FGGY: variants seen among roughly 807,000 people sequenced by gnomAD.
The protein encoded by FGGY is FGGY carbohydrate kinase domain-containing protein.
In FGGY, 72 loss-of-function variants were observed where a neutral mutation model predicts 71.3. The observed-to-expected ratio is 1.01, with a 90% CI of 0.84 to 1.23. The LOEUF (loss-of-function observed/expected upper bound fraction) is 1.23. Ranked by LOEUF, FGGY falls within the 50% of genes most tolerant of loss-of-function variation. FGGY has a pLI of 0.00. For missense variants in FGGY, 668 were observed against 682.3 expected, an observed-to-expected ratio of 0.98 and a Z score of 0.23; for synonymous variants, 251 against 250.3, an observed-to-expected ratio of 1.00 and a Z score of -0.02.
chr1:59,489,734 G>T (rs187884640), intron 6 of FGGY, among the ~76,000 whole-genome samples: 50 of 152,292 alleles, frequency 3.3e-4, no homozygotes, highest in African/African-American at 1.1e-3. Flanking sequence ...AAATGCCCCA[G>T]TGGTGGGATC....
In FGGY at chr1:59,340,925, C is replaced by T. The variant is rs973947843; in HGVS notation, c.313+856C>T. 3.9e-5 allele frequency among the ~76,000 whole-genome samples: 6 copies of T among 152,124 alleles called. No individual in the cohort carries two copies. The South Asian group carries it at 1.0e-3, about 26-fold the overall frequency. On this transcript the variant is annotated intron_variant, in intron 3 of 15. Transcript: ENST00000303721. Reference sequence around the variant, plus strand: ...GCATTGCACTGGAAATTGCATGCTCCATCTGAAGGGAAGGGCCAGCTCTAG... The same window carrying T: ...GCATTGCACTGGAAATTGCATGCTCTATCTGAAGGGAAGGGCCAGCTCTAG...
intron 4 of FGGY, among the ~76,000 whole-genome samples, chr1:59,377,338 G>C (rs1222906028): frequency 6.6e-6 from 1 of 152,140 alleles, no homozygotes; most frequent in African/African-American, 2.4e-5. Flanking sequence ...AGCATGGCTG[G>C]GGAGGCCTCA....
At chr1:59,411,508 C>T (rs2063595094) in intron 5 of FGGY, among the ~76,000 whole-genome samples, 1 of 152,104 alleles carries the variant, frequency 6.6e-6, no homozygotes, top group Non-Finnish European at 1.5e-5. Context: ...CTTCTTATAC[C>T]TTTGTCCACT....
At chr1:59,351,338 TG>T (rs2053251317) in intron 4 of FGGY, among the ~76,000 whole-genome samples, 1 of 152,246 alleles carries the variant, frequency 6.6e-6, no homozygotes. Context: ...TACTCACTGC[TG>T]GTTCTTCCTC....
intron 13 of FGGY, among the ~76,000 whole-genome samples, chr1:59,670,371 TAGGG>T: frequency 6.6e-6 from 1 of 152,312 alleles, no homozygotes; most frequent in East Asian, 1.9e-4. Context: ...CAAAGACAGT[TAGGG>T]AGGACTGTAG....
chr1:59,698,478 G>A (rs1328565564), intron 14 of FGGY, among the ~76,000 whole-genome samples: 1 of 151,146 alleles, frequency 6.6e-6, no homozygotes, highest in Admixed American at 6.6e-5. Context: ...TTTCTATAAT[G>A]CTCTGGGAAT....
rs1323044296 is a variant in FGGY, at chr1:59,347,458, A to G, written c.465+1060A>G. On this transcript the variant is annotated intron_variant, in intron 4 of 15. Coordinates refer to ENST00000303721, the MANE Select transcript of FGGY (RefSeq NM_018291.5). ...ATTTTTTATGGCTGCATATTATTCC[A>G]TGGTGTATATGTGCCACATTTTCTT... 2.2e-4 allele frequency among the ~76,000 whole-genome samples: 33 copies of G among 152,180 alleles called. No individual in the cohort carries two copies. In the East Asian group the frequency reaches 6.4e-3, roughly 29 times the overall value.
intron 5 of FGGY, among the ~76,000 whole-genome samples, chr1:59,414,913 G>T (rs575332739): frequency 1.3e-5 from 2 of 152,234 alleles, no homozygotes; most frequent in East Asian, 1.9e-4. Context: ...TTACAAGGCA[G>T]GGTGGAGAAA....
chr1:59,375,791 G>C (rs111699329), intron 4 of FGGY, among the ~76,000 whole-genome samples: 1 of 150,586 alleles, frequency 6.6e-6, no homozygotes, highest in Admixed American at 6.7e-5. Flanking sequence ...CTTGGGTTCT[G>C]TTGTCCCACA....
chr1:59,557,709 G>A (rs1042121624), intron 8 of FGGY, among the ~76,000 whole-genome samples: 1 of 152,132 alleles, frequency 6.6e-6, no homozygotes, highest in East Asian at 1.9e-4. Flanking sequence ...TACACAGCAG[G>A]GGTTAGCCAG....
intron 1 of FGGY, among the ~76,000 whole-genome samples, chr1:59,304,383 A>G (rs183829306): frequency 7.9e-5 from 12 of 152,186 alleles, no homozygotes; most frequent in Admixed American, 7.8e-4. Flanking sequence ...TTGATTGTAT[A>G]TGAGTAGTTT....
In FGGY at chr1:59,624,214, A is replaced by G. The variant is rs560220826; in HGVS notation, c.1012-1774A>G. Among the ~76,000 whole-genome samples the G allele has an allele frequency of 6.6e-5, 10 of 152,286 alleles. 1 individual carries two copies. In the South Asian group the frequency reaches 2.1e-3, roughly 32 times the overall value. ...CTGCACCAATGGTATTCAACAACGT[A>G]TACCTGGAAGTTCAGTAGACAATAT... On this transcript the variant is annotated intron_variant, in intron 9 of 15. Transcript: ENST00000303721.
At chr1:59,359,241 C>G (rs1183087058) in intron 4 of FGGY, among the ~76,000 whole-genome samples, 2 of 152,134 alleles carry the variant, frequency 1.3e-5, no homozygotes, top group African/African-American at 4.8e-5. Context: ...GAGAAAGCAA[C>G]TTCTGATGGT....
intron 15 of FGGY, among the ~76,000 whole-genome samples, chr1:59,759,614 G>A (rs2098325592): frequency 6.6e-6 from 1 of 152,214 alleles, no homozygotes; most frequent in African/African-American, 2.4e-5. Flanking sequence ...TGCGAAGGAG[G>A]CGGCACACAC....
intron 5 of FGGY, among the ~76,000 whole-genome samples, chr1:59,382,786 C>G (rs1571373829): frequency 1.3e-5 from 2 of 152,282 alleles, no homozygotes; most frequent in East Asian, 3.9e-4. Flanking sequence ...AAAGCTGGAA[C>G]AAGAGATGGA....
At chr1:59,431,548 C>T (rs918405634) in intron 5 of FGGY, among the ~76,000 whole-genome samples, 5 of 152,078 alleles carry the variant, frequency 3.3e-5, no homozygotes, top group Non-Finnish European at 7.4e-5. Flanking sequence ...TCTGATAGTC[C>T]GGACGTAGAT....
intron 3 of FGGY, 137 bp downstream of exon 3, chr1:59,340,206 A>G (rs1570630862): frequency 1.6e-6 from 1 of 633,308 alleles, no homozygotes; most frequent in South Asian, 2.0e-5. Flanking sequence ...GACACAGATC[A>G]TGTTGCAGAA....
At chr1:59,402,002 T>C (rs1377189623) in intron 5 of FGGY, among the ~76,000 whole-genome samples, 1 of 152,170 alleles carries the variant, frequency 6.6e-6, no homozygotes, top group Non-Finnish European at 1.5e-5. Context: ...ATTCAGTGTT[T>C]CGATTTATTT....
At chr1:59,313,974 T>C (rs1041196754) in intron 1 of FGGY, among the ~76,000 whole-genome samples, 2 of 152,102 alleles carry the variant, frequency 1.3e-5, no homozygotes, top group African/African-American at 4.8e-5. Context: ...TTTTCTTTTT[T>C]TTTTTGAGAC....
Sources: gnomAD v4.1 joint callset for allele counts (sites outside exome capture counted in the v4.1 genomes callset) on GRCh38, gnomAD v4.1.1 for gene constraint, MANE v1.5 for transcripts, NCBI Gene and HGNC (gene_info 2026-07-23, HGNC 2026-07-21) for gene names.